PLEKHM3: variants seen among roughly 807,000 people sequenced by gnomAD.
PLEKHM3 encodes the protein pleckstrin homology domain-containing family M member 3.
PLEKHM3 carries 45 observed loss-of-function variants against 81.8 expected under a neutral mutation model. The ratio of observed to expected loss-of-function variants is 0.55; its 90% confidence interval spans 0.43 to 0.71. The LOEUF (loss-of-function observed/expected upper bound fraction) is 0.71, where lower values mean the gene tolerates loss of function less well. Among genes scored for constraint, PLEKHM3 ranks in the 30% least tolerant of loss-of-function variants. PLEKHM3 has a pLI of 0.00. For synonymous variants in PLEKHM3, 352 were observed against 356.4 expected, an observed-to-expected ratio of 0.99 and a Z score of 0.14; for missense variants, 788 against 924.3, an observed-to-expected ratio of 0.85 and a Z score of 1.91.
intron 7 of PLEKHM3, chr2:207,852,786 A>G (rs950820042): frequency 2.2e-5 from 10 of 446,422 alleles, no homozygotes; most frequent in Non-Finnish European, 4.5e-5. Context: ...CCCAAACCTC[A>G]GCATCAGGCC....
intron 6 of PLEKHM3, among the ~76,000 whole-genome samples, chr2:207,862,822 A>C (rs865844888): frequency 2.6e-5 from 4 of 152,204 alleles, no homozygotes; most frequent in African/African-American, 7.2e-5. Flanking sequence ...CAGAGATAAA[A>C]ACTGAAGTGG....
At chr2:207,912,096 T>C (rs962960450) in intron 5 of PLEKHM3, among the ~76,000 whole-genome samples, 23 of 152,324 alleles carry the variant, frequency 1.5e-4, no homozygotes, top group African/African-American at 5.3e-4. Context: ...GTGCTGGAGA[T>C]AGATACTTCA....
Position 208,018,644 on chromosome 2 carries a change from T to A in PLEKHM3, c.-319+6745A>T, listed in dbSNP as rs184877996. Among the ~76,000 whole-genome samples the A allele has an allele frequency of 4.6e-5, 7 of 152,246 alleles. No individual in the cohort carries two copies. In the East Asian group the frequency reaches 1.4e-3, roughly 29 times the overall value. ...ACATCTATCCATTTCTCTGTCTCCGTTGCCTTCATGCAATCACCACCATCC... is the reference window on the plus strand; with the variant it reads ...ACATCTATCCATTTCTCTGTCTCCGATGCCTTCATGCAATCACCACCATCC... On this transcript the variant is annotated intron_variant, in intron 1 of 7. Coordinates refer to ENST00000427836, the MANE Select transcript of PLEKHM3 (RefSeq NM_001080475.3).
chr2:207,906,586 T>C (rs1466484416), intron 6 of PLEKHM3, among the ~76,000 whole-genome samples: 4 of 152,056 alleles, frequency 2.6e-5, no homozygotes, highest in Non-Finnish European at 4.4e-5. Flanking sequence ...GTCAGAAGTT[T>C]GAAACCAGCC....
intron 7 of PLEKHM3, among the ~76,000 whole-genome samples, chr2:207,839,528 G>T (rs1242598884): frequency 6.6e-6 from 1 of 152,112 alleles, no homozygotes; most frequent in African/African-American, 2.4e-5. Flanking sequence ...TTCAAAGATG[G>T]TAACCATAAT....
chr2:207,912,309 T>C (rs772201677), intron 5 of PLEKHM3, among the ~76,000 whole-genome samples: 3 of 152,250 alleles, frequency 2.0e-5, no homozygotes, highest in Non-Finnish European at 4.4e-5. Flanking sequence ...TATGTGTATA[T>C]ATATTTCACA....
chr2:208,024,769 C>T (rs531062808), intron 1 of PLEKHM3, among the ~76,000 whole-genome samples: 1 of 152,214 alleles, frequency 6.6e-6, no homozygotes, highest in Non-Finnish European at 1.5e-5. Flanking sequence ...ATGGCTCAAT[C>T]TCAGTTTAAC....
At chr2:207,858,180 A>ATATATTTTT (rs751293954) in intron 7 of PLEKHM3, among the ~76,000 whole-genome samples, 2 of 103,846 alleles carry the variant, frequency 1.9e-5, no homozygotes, top group African/African-American at 7.4e-5. Flanking sequence ...GTGTGTATAT[A>ATATATTTTT]TTTTTTTTTT....
At chr2:207,982,062 CTT>C (rs1173247869) in intron 2 of PLEKHM3, among the ~76,000 whole-genome samples, 1 of 152,176 alleles carries the variant, frequency 6.6e-6, no homozygotes, top group Non-Finnish European at 1.5e-5. Flanking sequence ...AAAATGAAGA[CTT>C]TTATAACCTA....
In PLEKHM3 at chr2:207,824,472, G is replaced by C. The variant is rs2092237462; in HGVS notation, c.*3847C>G. On this transcript the variant is annotated 3_prime_UTR_variant, in exon 8 of 8. Coordinates refer to ENST00000427836, the MANE Select transcript of PLEKHM3 (RefSeq NM_001080475.3). ...CACAAATACACGAGCAACAGCATTG[G>C]CTTGACTCTAAAGGAGGACCAGAAT... 4.6e-5 allele frequency: 7 copies of C among 152,230 alleles called. 2 individuals carry two copies. In the South Asian group the frequency reaches 1.4e-3, roughly 31 times the overall value. 9.4% of individuals were successfully genotyped at this position (152,230 alleles called of 1,614,324 possible).
intron 3 of PLEKHM3, among the ~76,000 whole-genome samples, chr2:207,950,249 AG>A (rs1690285439): frequency 6.6e-6 from 1 of 152,196 alleles, no homozygotes. Flanking sequence ...ACCCAGAAGT[AG>A]GTTTGAACCT....
intron 7 of PLEKHM3, chr2:207,852,857 A>G: frequency 2.4e-6 from 1 of 425,322 alleles, no homozygotes; most frequent in South Asian, 1.7e-5. Flanking sequence ...AAAGAAAAAA[A>G]GAAAAAAAAA....
At chr2:207,828,583 T>C (rs720631) in intron 7 of PLEKHM3, 87 bp from the exon 8 acceptor site, 870,465 of 1,343,112 alleles carry the variant, frequency 0.65, 284,713 homozygotes, top group African/African-American at 0.78. Flanking sequence ...GTGCAGCTGG[T>C]GGCACAATCT....
At chr2:207,832,167 T>TA (rs1015051151) in intron 7 of PLEKHM3, among the ~76,000 whole-genome samples, 2 of 151,700 alleles carry the variant, frequency 1.3e-5, no homozygotes, top group African/African-American at 4.8e-5. Context: ...AAGCATGAGA[T>TA]AAAAAAAAAT....
At chr2:207,858,345 AT>A (rs1370361509) in intron 7 of PLEKHM3, among the ~76,000 whole-genome samples, 2 of 151,200 alleles carry the variant, frequency 1.3e-5, no homozygotes, top group African/African-American at 4.9e-5. Flanking sequence ...AACTAATCAT[AT>A]TTTTTTCTAC....
chr2:207,827,235 T>A lies in PLEKHM3; in HGVS notation c.*1084A>T, dbSNP rs2092256223. 6.6e-6 allele frequency: 1 copy of A among 152,294 alleles called. No individual in the cohort carries two copies. The highest frequency in any genetic ancestry group is 2.4e-5 in the African/African-American group (1 of 41,582). 9.4% of individuals were successfully genotyped at this position (152,294 alleles called of 1,614,324 possible). A position where few individuals can be genotyped will look rare whatever the true frequency, so the allele number is the denominator to read the frequency against. ...AAACAAAAAAATGAGAAAGCAAGAA[T>A]GGTCACATTGACAAAGGTCGAAATG... On this transcript the variant is annotated 3_prime_UTR_variant, in exon 8 of 8. Transcript: ENST00000427836.
chr2:207,948,547 T>G (rs1302308991), intron 3 of PLEKHM3, among the ~76,000 whole-genome samples: 2 of 6,686 alleles, frequency 3.0e-4, no homozygotes, highest in African/African-American at 7.2e-4. Context: ...ATTTTTTTTG[T>G]TTTTTTTTTT....
chr2:207,891,761 T>A lies in PLEKHM3; in HGVS notation c.1950+16753A>T, dbSNP rs140315863. On this transcript the variant is annotated intron_variant, in intron 6 of 7. Coordinates refer to ENST00000427836, the MANE Select transcript of PLEKHM3 (RefSeq NM_001080475.3). ...CCTCACCACCTCTTCCTATAACTGA[T>A]TCATTCATTCACCCCATATTTATGA... Among the ~76,000 whole-genome samples, 717 of 152,310 alleles carry A rather than the reference T, an allele frequency of 4.7e-3. 7 individuals carry two copies. The highest frequency in any genetic ancestry group is 0.016 in the African/African-American group (669 of 41,570).
chr2:207,846,428 C>T (rs1284398802), intron 7 of PLEKHM3, among the ~76,000 whole-genome samples: 1 of 152,128 alleles, frequency 6.6e-6, no homozygotes, highest in Non-Finnish European at 1.5e-5. Context: ...GCGTGAACCA[C>T]TGCGCCTGGC....
Sources: allele counts gnomAD v4.1 joint callset (sites outside exome capture counted in the v4.1 genomes callset), GRCh38; gene constraint gnomAD v4.1.1; transcripts MANE v1.5; gene names NCBI Gene and HGNC (gene_info 2026-07-23, HGNC 2026-07-21).